FBXO11: variants seen among roughly 807,000 people sequenced by gnomAD.
FBXO11 encodes the protein F-box protein 11.
A neutral mutation model predicts 117.0 loss-of-function variants in FBXO11; 13 were observed. The ratio of observed to expected loss-of-function variants is 0.11; its 90% confidence interval spans 0.07 to 0.18. The LOEUF (loss-of-function observed/expected upper bound fraction) is 0.18. Among genes scored for constraint, FBXO11 ranks in the 10% least tolerant of loss-of-function variants. The pLI, the probability that FBXO11 is intolerant of heterozygous loss-of-function variation, is 1.00. For synonymous variants in FBXO11, 490 were observed against 380.5 expected, an observed-to-expected ratio of 1.29 and a Z score of -3.35; for missense variants, 767 against 1,164.4, an observed-to-expected ratio of 0.66 and a Z score of 4.97.
chr2:47,850,971 A>G (rs1045843011), intron 1 of FBXO11, among the ~76,000 whole-genome samples: 1 of 152,216 alleles, frequency 6.6e-6, no homozygotes, highest in African/African-American at 2.4e-5. Flanking sequence ...ATAATTTTCT[A>G]TTTTAACAAG....
Position 47,823,043 on chromosome 2 carries a change from T to C in FBXO11, c.1616+100A>G, listed in dbSNP as rs1172236322. 6 of 759,750 alleles carry C rather than the reference T, an allele frequency of 7.9e-6. No individual in the cohort carries two copies. The Admixed American group carries it at 1.5e-4, about 19-fold the overall frequency. The allele number at this position is 759,750 out of a possible 1,614,324, so 47.1% of individuals were successfully genotyped here. A position where few individuals can be genotyped will look rare whatever the true frequency, so the allele number is the denominator to read the frequency against. On this transcript the variant is annotated intron_variant, in intron 12 of 22. Coordinates refer to ENST00000403359, the MANE Select transcript of FBXO11 (RefSeq NM_001190274.2). Reference sequence around the variant, plus strand: ...GAAAATCTATTTTATAGTAGTCAAATGTCTAACAAAAACTTTCAAGAGTTA... The same window carrying C: ...GAAAATCTATTTTATAGTAGTCAAACGTCTAACAAAAACTTTCAAGAGTTA...
intron 1 of FBXO11, among the ~76,000 whole-genome samples, chr2:47,846,506 T>G (rs951624154): frequency 6.6e-6 from 1 of 152,164 alleles, no homozygotes; most frequent in Non-Finnish European, 1.5e-5. Flanking sequence ...TTCATTTTTA[T>G]ATCTAATAGA....
chr2:47,818,662 A>T lies in FBXO11; in HGVS notation c.2006+117T>A, dbSNP rs1671171555. The T allele has an allele frequency of 5.9e-6, 4 of 678,332 alleles. No individual in the cohort carries two copies. The South Asian group carries it at 9.3e-5, about 16-fold the overall frequency. The allele number at this position is 678,332 out of a possible 1,614,324, so 42.0% of individuals were successfully genotyped here. On this transcript the variant is annotated intron_variant, in intron 16 of 22. Transcript: ENST00000403359. ...AAGTCAAGATTATTTTAAGAATGTGAATATATATACAATAGGGGGATAAAG... is the reference window on the plus strand; with the variant it reads ...AAGTCAAGATTATTTTAAGAATGTGTATATATATACAATAGGGGGATAAAG...
rs928196145 is a variant in FBXO11 at position 47,814,236 on chromosome 2, G to A, written c.2007-369C>T. ...AGCGAGTATTGCAATAAAGAGAGTC[G>A]CATCAATTTTTTGGTTTACATTATA... is the stretch of plus-strand genomic sequence containing the variant. On this transcript the variant is annotated intron_variant, in intron 16 of 22. Coordinates refer to ENST00000403359, the MANE Select transcript of FBXO11 (RefSeq NM_001190274.2). 2.0e-4 allele frequency: 39 copies of A among 197,156 alleles called. 1 individual carries two copies. The highest frequency in any genetic ancestry group is 8.2e-4 in the African/African-American group (35 of 42,938). 12.2% of individuals were successfully genotyped at this position (197,156 alleles called of 1,614,324 possible).
chr2:47,892,255 G>A (rs1341065884), intron 1 of FBXO11, among the ~76,000 whole-genome samples: 1 of 152,162 alleles, frequency 6.6e-6, no homozygotes, highest in Non-Finnish European at 1.5e-5. Context: ...GCAAAGATAT[G>A]TAAAAGAATA....
chr2:47,900,581 CATAT>C (rs1203917894), intron 1 of FBXO11, among the ~76,000 whole-genome samples: 9 of 116,658 alleles, frequency 7.7e-5, no homozygotes, highest in African/African-American at 2.1e-4. Context: ...CGTATACACA[CATAT>C]ATACGTATAT....
chr2:47,888,037 A>C (rs1676996247), intron 1 of FBXO11, among the ~76,000 whole-genome samples: 1 of 152,026 alleles, frequency 6.6e-6, no homozygotes, highest in Non-Finnish European at 1.5e-5. Context: ...TCCCTAAAAA[A>C]TGAAAGATAT....
Position 47,808,256 on chromosome 2 carries a change from A to G in FBXO11, c.2655-9T>C, listed in dbSNP as rs767671883. ...CACAGTCACAGAAAAACCTAAAGCA[A>G]AATGAAACCCAAATATTAGAAAAGT... On this transcript the variant is annotated splice_polypyrimidine_tract_variant and intron_variant, in intron 22 of 22. Transcript: ENST00000403359. The G allele has an allele frequency of 8.1e-6, 13 of 1,612,878 alleles. No individual in the cohort carries two copies. The Admixed American group carries it at 2.2e-4, about 27-fold the overall frequency.
At chr2:47,882,732 A>G (rs1251218582) in intron 1 of FBXO11, among the ~76,000 whole-genome samples, 2 of 151,994 alleles carry the variant, frequency 1.3e-5, no homozygotes, top group Non-Finnish European at 2.9e-5. Flanking sequence ...GCTTATTGCA[A>G]TCTCTGCCTG....
intron 1 of FBXO11, among the ~76,000 whole-genome samples, chr2:47,853,550 A>G (rs1000748851): frequency 1.3e-5 from 2 of 152,144 alleles, no homozygotes; most frequent in Non-Finnish European, 2.9e-5. Context: ...TACAAGCTCA[A>G]AAAAAACTGG....
chr2:47,894,886 T>G (rs1471155202), intron 1 of FBXO11, among the ~76,000 whole-genome samples: 1 of 152,114 alleles, frequency 6.6e-6, no homozygotes, highest in Admixed American at 6.5e-5. Flanking sequence ...AGCAGTCTCC[T>G]CCTCTGTTTT....
At chr2:47,879,782 C>G (rs1316298354) in intron 1 of FBXO11, among the ~76,000 whole-genome samples, 1 of 152,144 alleles carries the variant, frequency 6.6e-6, no homozygotes, top group African/African-American at 2.4e-5. Flanking sequence ...TCCCCTTCCC[C>G]TAGCTACCAC....
At chr2:47,824,114 G>A (rs986252192) in intron 11 of FBXO11, among the ~76,000 whole-genome samples, 3 of 152,154 alleles carry the variant, frequency 2.0e-5, no homozygotes, top group Non-Finnish European at 2.9e-5. Flanking sequence ...AAATGTAGAC[G>A]AATACCATTA....
At chr2:47,892,207 CCTCCCTCCCTGTAG>C (rs1677305766) in intron 1 of FBXO11, among the ~76,000 whole-genome samples, 1 of 152,084 alleles carries the variant, frequency 6.6e-6, no homozygotes, top group South Asian at 2.1e-4. Context: ...TGTCACAAAG[CCTCCCTCCCTGTAG>C]ATTCCATATA....
At chr2:47,836,036 A>G (rs750343033) in intron 4 of FBXO11, 35 bp from the exon 5 acceptor site, 23 of 1,501,296 alleles carry the variant, frequency 1.5e-5, no homozygotes, top group Non-Finnish European at 2.1e-5. Flanking sequence ...TTTCTTGATA[A>G]AATGTCCTTT....
chr2:47,845,364 T>C (rs765696145), intron 1 of FBXO11, among the ~76,000 whole-genome samples: 7 of 152,358 alleles, frequency 4.6e-5, no homozygotes, highest in Non-Finnish European at 8.8e-5. Context: ...TGTCCTGAAG[T>C]GCTCATGAGT....
intron 7 of FBXO11, 103 bp from the exon 8 acceptor site, chr2:47,833,173 G>A: frequency 1.4e-6 from 1 of 692,946 alleles, no homozygotes; most frequent in Non-Finnish European, 2.5e-6. Context: ...CTGAGTAGTG[G>A]GACTAATATT....
At chr2:47,854,114 A>G (rs967025752) in intron 1 of FBXO11, among the ~76,000 whole-genome samples, 4 of 152,246 alleles carry the variant, frequency 2.6e-5, no homozygotes, top group Non-Finnish European at 5.9e-5. Flanking sequence ...CCGAACTATA[A>G]AAGTATGTTC....
chr2:47,866,477 T>C (rs1675205498), intron 1 of FBXO11, among the ~76,000 whole-genome samples: 1 of 151,782 alleles, frequency 6.6e-6, no homozygotes, highest in South Asian at 2.1e-4. Context: ...CAAGTTTGTT[T>C]TTTTTTTTTT....
Sources: allele counts gnomAD v4.1 joint callset (sites outside exome capture counted in the v4.1 genomes callset), GRCh38; gene constraint gnomAD v4.1.1; transcripts MANE v1.5; gene names NCBI Gene and HGNC (gene_info 2026-07-23, HGNC 2026-07-21).